Variants in WDR72 observed in about 807,000 individuals in gnomAD.
The protein encoded by WDR72 is WD repeat domain 72.
WDR72 carries 120 observed loss-of-function variants against 124.2 expected under a neutral mutation model. The observed-to-expected ratio is 0.97, with a 90% CI of 0.83 to 1.12. WDR72 has a LOEUF of 1.12. WDR72 is among the 50% of genes most tolerant of loss of function. WDR72 has a pLI of 0.00. For synonymous variants in WDR72, 452 were observed against 441.7 expected (o/e 1.02, Z -0.29); for missense variants, 1,387 against 1,278.8 (o/e 1.08, Z -1.29).
At chr15:53,555,387 G>T (rs978137727) in intron 18 of WDR72, among the ~76,000 whole-genome samples, 23 of 151,716 alleles carry the variant, frequency 1.5e-4, no homozygotes, top group Non-Finnish European at 3.2e-4. Flanking sequence ...AGACAAAGAA[G>T]AAAGAAATAG....
chr15:53,555,024 T>C (rs1457689815), intron 18 of WDR72, among the ~76,000 whole-genome samples: 1 of 152,076 alleles, frequency 6.6e-6, no homozygotes, highest in Non-Finnish European at 1.5e-5. Flanking sequence ...GTTAGCTGGC[T>C]CCATCACACC....
intron 14 of WDR72, among the ~76,000 whole-genome samples, chr15:53,643,075 G>A (rs1182740411): frequency 6.6e-6 from 1 of 151,862 alleles, no homozygotes; most frequent in Non-Finnish European, 1.5e-5. Flanking sequence ...AGATTCTAAA[G>A]TAGAAAATAC....
At chr15:53,761,726 G>A (rs764863419), upstream of WDR72, among the ~76,000 whole-genome samples, 1 of 152,154 alleles carries the variant, frequency 6.6e-6, no homozygotes, top group African/African-American at 2.4e-5. Context: ...TCCTCTGGAG[G>A]TTGAGTCAGG....
At chr15:53,534,220 G>GCTAA (rs1308156207) in intron 18 of WDR72, among the ~76,000 whole-genome samples, 1 of 152,136 alleles carries the variant, frequency 6.6e-6, no homozygotes, top group Non-Finnish European at 1.5e-5. Context: ...TCATGGGACA[G>GCTAA]CTAACTTCCA....
intron 18 of WDR72, among the ~76,000 whole-genome samples, chr15:53,562,561 C>A (rs1894159772): frequency 6.6e-6 from 1 of 151,704 alleles, no homozygotes; most frequent in Non-Finnish European, 1.5e-5. Context: ...GTTGTGATGG[C>A]TCTTATGATG....
chr15:53,632,439 A>T (rs1052890877), intron 14 of WDR72, among the ~76,000 whole-genome samples: 18 of 152,070 alleles, frequency 1.2e-4, no homozygotes, highest in Admixed American at 4.6e-4. Context: ...GCAGGAGTGG[A>T]GCCCTCATGA....
At chr15:53,523,469 G>A (rs758059053) in intron 18 of WDR72, 147 bp from the exon 19 acceptor site, 1 of 769,102 alleles carries the variant, frequency 1.3e-6, no homozygotes, top group Non-Finnish European at 2.2e-6. Flanking sequence ...GAAATAAAAT[G>A]TATCCTCTAA....
At chr15:53,533,446 G>A (rs1161970650) in intron 18 of WDR72, among the ~76,000 whole-genome samples, 1 of 151,780 alleles carries the variant, frequency 6.6e-6, no homozygotes, top group East Asian at 1.9e-4. Context: ...TCCAATAATA[G>A]GTATCTTTCC....
chr15:53,698,148 G>A (rs1012569247), intron 13 of WDR72, among the ~76,000 whole-genome samples: 4 of 152,122 alleles, frequency 2.6e-5, no homozygotes, highest in African/African-American at 9.7e-5. Flanking sequence ...ATAATCTCAA[G>A]AAGTACTAAT....
chr15:53,585,418 C>G (rs1162186108), intron 18 of WDR72, among the ~76,000 whole-genome samples: 5 of 152,046 alleles, frequency 3.3e-5, no homozygotes, highest in Middle Eastern at 6.8e-3. Flanking sequence ...TCTCTTGACA[C>G]GTGGGAATTA....
At position 53,715,235 on chromosome 15, in the gene WDR72, A is replaced by G; in HGVS notation, c.472T>C (p.Trp158Arg). 1 of 1,614,180 alleles carries G rather than the reference A, an allele frequency of 6.2e-7. No homozygotes were observed. The change falls in exon 5 of 20, where the codon TGG (tryptophan) becomes CGG (arginine). Residue 158 changes from tryptophan (W) to arginine (R), a missense_variant. Coordinates refer to ENST00000360509, the MANE Select transcript of WDR72 (RefSeq NM_182758.4). Reference sequence around the variant, plus strand: ...TGAACAATGCACATGCAGTTGATCCAGTCAGGAAACTGAGATGATCTAAAA... The same window carrying G: ...TGAACAATGCACATGCAGTTGATCCGGTCAGGAAACTGAGATGATCTAAAA... ...HSFRSSQFPD[W>R]INCMCIVHSM... is the part of the protein sequence containing the mutation.
intron 18 of WDR72, among the ~76,000 whole-genome samples, chr15:53,591,842 C>A (rs1426367149): frequency 6.6e-6 from 1 of 151,982 alleles, no homozygotes; most frequent in African/African-American, 2.4e-5. Flanking sequence ...TGAGAGAGAA[C>A]TGTTAAGTGT....
At chr15:53,644,808 A>G (rs972170907) in intron 14 of WDR72, among the ~76,000 whole-genome samples, 10 of 152,096 alleles carry the variant, frequency 6.6e-5, no homozygotes, top group African/African-American at 2.2e-4. Flanking sequence ...AAAGCCTTCA[A>G]TCTGCAGCTG....
chr15:53,528,465 G>A (rs1429487379), intron 18 of WDR72, among the ~76,000 whole-genome samples: 1 of 152,004 alleles, frequency 6.6e-6, no homozygotes, highest in Non-Finnish European at 1.5e-5. Flanking sequence ...ATGAGTTAAG[G>A]TTAGACTTAT....
At chr15:53,538,913 C>G (rs577041408) in intron 18 of WDR72, among the ~76,000 whole-genome samples, 2 of 152,202 alleles carry the variant, frequency 1.3e-5, no homozygotes, top group East Asian at 3.9e-4. Context: ...TTGGTCTTTA[C>G]AACACATACT....
intron 14 of WDR72, among the ~76,000 whole-genome samples, chr15:53,637,435 G>A (rs2014666192): frequency 1.3e-5 from 2 of 152,180 alleles, no homozygotes; most frequent in South Asian, 4.1e-4. Flanking sequence ...CACCACTGGA[G>A]TAATAGAGTA....
At chr15:53,667,682 T>C (rs1302553693) in intron 13 of WDR72, among the ~76,000 whole-genome samples, 2 of 152,234 alleles carry the variant, frequency 1.3e-5, no homozygotes, top group East Asian at 3.9e-4. Flanking sequence ...GAATACGGTA[T>C]CATCCTGGAT....
intron 14 of WDR72, among the ~76,000 whole-genome samples, chr15:53,618,905 C>T (rs185936695): frequency 4.6e-4 from 70 of 152,120 alleles, no homozygotes; most frequent in African/African-American, 1.6e-3. Flanking sequence ...TCCCCTTACA[C>T]GTTTTTCAAC....
intron 18 of WDR72, among the ~76,000 whole-genome samples, chr15:53,588,224 A>G (rs1166043924): frequency 6.6e-6 from 1 of 152,146 alleles, no homozygotes; most frequent in East Asian, 1.9e-4. Context: ...CACTCAGGCA[A>G]CAAACATTTA....
Sources: gnomAD v4.1 joint callset for allele counts (sites outside exome capture counted in the v4.1 genomes callset) on GRCh38, gnomAD v4.1.1 for gene constraint, MANE v1.5 for transcripts, NCBI Gene and HGNC (gene_info 2026-07-23, HGNC 2026-07-21) for gene names.